Variants in TSPAN5 observed in about 807,000 individuals in gnomAD.
TSPAN5 encodes tetraspanin 5.
Under a neutral mutation model 37.1 loss-of-function variants are expected in TSPAN5, and 10 were observed. The observed-to-expected ratio is 0.27, with a 90% confidence interval of 0.17 to 0.46. The LOEUF (loss-of-function observed/expected upper bound fraction) is 0.46. Among genes scored for constraint, TSPAN5 ranks in the 20% least tolerant of loss-of-function variants. TSPAN5 has a pLI of 1.00. For missense variants in TSPAN5, 195 were observed against 326.6 expected, an observed-to-expected ratio of 0.60 and a Z score of 3.11; for synonymous variants, 110 against 118.9, an observed-to-expected ratio of 0.93 and a Z score of 0.48.
chr4:98,480,143 A>G (rs1342721789), intron 4 of TSPAN5, among the ~76,000 whole-genome samples: 2 of 152,184 alleles, frequency 1.3e-5, no homozygotes, highest in African/African-American at 4.8e-5. Context: ...GTTGCATTGC[A>G]GGCTGCTGGC....
chr4:98,531,669 A>T (rs1302800273), intron 1 of TSPAN5, among the ~76,000 whole-genome samples: 3 of 152,184 alleles, frequency 2.0e-5, no homozygotes, highest in African/African-American at 7.2e-5. Context: ...GAACTAATTT[A>T]CACTCCCACC....
Position 98,524,471 on chromosome 4 carries a change from T to C in TSPAN5, c.82-16743A>G, listed in dbSNP as rs569085993. ...GAGGAGACCCTAGGTGATTAATTAG[T>C]GCTCCATGTCAATCCTATCAGACAG... is the stretch of plus-strand genomic sequence containing the variant. On this transcript the variant is annotated intron_variant, in intron 1 of 7. Coordinates refer to ENST00000305798, the MANE Select transcript of TSPAN5 (RefSeq NM_005723.4). Among the ~76,000 whole-genome samples, 46 of 152,310 alleles carry C rather than the reference T, an allele frequency of 3.0e-4. 1 individual carries two copies. Among genetic ancestry groups the C allele is most frequent in the African/African-American group, 9.9e-4 (41 of 41,574 alleles).
chr4:98,519,403 T>C (rs1753806029), intron 1 of TSPAN5, among the ~76,000 whole-genome samples: 1 of 151,772 alleles, frequency 6.6e-6, no homozygotes, highest in Non-Finnish European at 1.5e-5. Context: ...GGAGGCTGAG[T>C]GGGAGGATCG....
intron 1 of TSPAN5, among the ~76,000 whole-genome samples, chr4:98,654,933 A>G (rs1579058878): frequency 6.6e-6 from 1 of 151,856 alleles, no homozygotes; most frequent in Admixed American, 6.6e-5. Flanking sequence ...TGCAATCTCC[A>G]CCTCCCGGGT....
In TSPAN5 at chr4:98,555,963, CCACACACGCGCGCGCA is replaced by C. The variant is rs539195213; in HGVS notation, c.82-48251_82-48236del. ...CCTGCAAAAAGACTGAAAAATCACT[CCACACACGCGCGCGCA>C]CACACACGTGCGTGCGCACACACAC... On this transcript the variant is annotated intron_variant, in intron 1 of 7. Transcript: ENST00000305798. Among the ~76,000 whole-genome samples, 375 of 151,494 alleles carry C rather than the reference CCACACACGCGCGCGCA, an allele frequency of 2.5e-3. 5 individuals are homozygous for C. The highest frequency in any genetic ancestry group is 4.0e-3 in the Non-Finnish European group (271 of 67,924).
intron 1 of TSPAN5, among the ~76,000 whole-genome samples, chr4:98,608,707 A>T (rs968189190): frequency 6.6e-6 from 1 of 152,206 alleles, no homozygotes; most frequent in Non-Finnish European, 1.5e-5. Context: ...TTAGGGGGGA[A>T]ATAGACTATG....
intron 1 of TSPAN5, among the ~76,000 whole-genome samples, chr4:98,624,852 G>A (rs1272834019): frequency 6.6e-6 from 1 of 152,156 alleles, no homozygotes; most frequent in Non-Finnish European, 1.5e-5. Context: ...AGTGATGGCA[G>A]CCTACTTCCA....
rs879313293 is a variant in TSPAN5 at position 98,471,062 on chromosome 4, G to C, written c.*1460C>G. 1.3e-5 allele frequency: 2 copies of C among 152,168 alleles called. No homozygotes were observed. The highest frequency in any genetic ancestry group is 2.9e-5 in the Non-Finnish European group (2 of 68,044). 9.4% of individuals were successfully genotyped at this position (152,168 alleles called of 1,614,324 possible). ...TCCCACCTAAAGTGGGGGCAGGAGC[G>C]GCAGCACCAGGAAGTGGTTTCCCAC... On this transcript the variant is annotated 3_prime_UTR_variant, in exon 8 of 8. Transcript: ENST00000305798.
chr4:98,602,632 T>C (rs368654124), intron 1 of TSPAN5, among the ~76,000 whole-genome samples: 2 of 152,350 alleles, frequency 1.3e-5, no homozygotes, highest in African/African-American at 4.8e-5. Flanking sequence ...TGAAGTGTTC[T>C]GTTTCCAAAA....
At chr4:98,620,654 A>T (rs1756460118) in intron 1 of TSPAN5, among the ~76,000 whole-genome samples, 1 of 152,224 alleles carries the variant, frequency 6.6e-6, no homozygotes, top group Non-Finnish European at 1.5e-5. Context: ...TGCGATCTGA[A>T]GGGTGAAAAG....
At chr4:98,530,214 G>A (rs1054525726) in intron 1 of TSPAN5, among the ~76,000 whole-genome samples, 1 of 152,208 alleles carries the variant, frequency 6.6e-6, no homozygotes, top group African/African-American at 2.4e-5. Context: ...CAGAGCAAAT[G>A]AGAGACAGTG....
At chr4:98,617,769 T>C (rs1283134722) in intron 1 of TSPAN5, among the ~76,000 whole-genome samples, 1 of 152,180 alleles carries the variant, frequency 6.6e-6, no homozygotes, top group Admixed American at 6.5e-5. Context: ...AAGCCAAAGC[T>C]AGCGGTGCCA....
intron 1 of TSPAN5, among the ~76,000 whole-genome samples, chr4:98,533,972 G>A (rs1754173910): frequency 2.5e-5 from 1 of 40,512 alleles, no homozygotes; most frequent in South Asian, 1.2e-3. Flanking sequence ...ACCAGCTCCT[G>A]GATTCATTGA....
At chr4:98,563,768 C>G (rs1359887245) in intron 1 of TSPAN5, among the ~76,000 whole-genome samples, 1 of 152,162 alleles carries the variant, frequency 6.6e-6, no homozygotes, top group African/African-American at 2.4e-5. Flanking sequence ...ACCAGTGGTT[C>G]CAAAATGGAG....
chr4:98,529,376 T>C (rs955187902), intron 1 of TSPAN5, among the ~76,000 whole-genome samples: 1 of 152,248 alleles, frequency 6.6e-6, no homozygotes, highest in African/African-American at 2.4e-5. Flanking sequence ...CAACTGCTTC[T>C]ACAGGGTAAA....
intron 1 of TSPAN5, among the ~76,000 whole-genome samples, chr4:98,628,585 G>A (rs891160579): frequency 6.6e-6 from 1 of 152,078 alleles, no homozygotes; most frequent in Non-Finnish European, 1.5e-5. Context: ...CAGATTCCTG[G>A]GTCAACCAAC....
chr4:98,518,890 G>A (rs114484750), intron 1 of TSPAN5, among the ~76,000 whole-genome samples: 2,097 of 152,350 alleles, frequency 0.014, 27 homozygotes, highest in African/African-American at 0.033. Flanking sequence ...GTTAAGGCCT[G>A]ATCAGCATAG....
chr4:98,473,861 T>G (rs913564176), intron 7 of TSPAN5, among the ~76,000 whole-genome samples: 1 of 152,168 alleles, frequency 6.6e-6, no homozygotes, highest in African/African-American at 2.4e-5. Flanking sequence ...CATAGCTCAG[T>G]GCAGGCTCCT....
chr4:98,624,630 A>G (rs758915414), intron 1 of TSPAN5, among the ~76,000 whole-genome samples: 1 of 152,212 alleles, frequency 6.6e-6, no homozygotes, highest in African/African-American at 2.4e-5. Context: ...CCCACAGTAC[A>G]TAAGAAAAAG....
Sources: allele counts gnomAD v4.1 joint callset (sites outside exome capture counted in the v4.1 genomes callset), GRCh38; gene constraint gnomAD v4.1.1; transcripts MANE v1.5; gene names NCBI Gene and HGNC (gene_info 2026-07-23, HGNC 2026-07-21).